KIF22: variants seen among roughly 807,000 people sequenced by gnomAD.
The protein encoded by KIF22 is kinesin-like protein KIF22.
Under a neutral mutation model 73.0 loss-of-function variants are expected in KIF22, and 62 were observed. The observed-to-expected ratio is 0.85, with a 90% confidence interval of 0.69 to 1.05. The LOEUF (loss-of-function observed/expected upper bound fraction) is 1.05. Ranked by LOEUF, KIF22 falls within the 50% of genes least tolerant of loss-of-function variation. The probability of loss-of-function intolerance (pLI) is 0.00; values close to 1 mark genes in which losing one functional copy is unlikely to be tolerated. For synonymous variants in KIF22, 411 were observed against 340.1 expected (o/e 1.21, Z -2.29); for missense variants, 854 against 870.1 (o/e 0.98, Z 0.23).
At position 29,799,560 on chromosome 16, in the gene KIF22, G is replaced by A. The variant is rs1339286164; in HGVS notation, c.990+66G>A. 1.6e-5 allele frequency: 26 copies of A among 1,611,164 alleles called. No individual in the cohort carries two copies. The South Asian group carries it at 2.6e-4, about 16-fold the overall frequency. ...GAGGTTCTCAGGCCTGCTGTGGGGT[G>A]GGGAATAGCAGTTGAGGCATAGGAA... On this transcript the variant is annotated intron_variant, in intron 6 of 13. Transcript: ENST00000160827.
chr16:29,796,541 CCT>C (rs1555499072), intron 1 of KIF22, among the ~76,000 whole-genome samples: 1 of 151,468 alleles, frequency 6.6e-6, no homozygotes, highest in Non-Finnish European at 1.5e-5. Flanking sequence ...AGACTCCATC[CCT>C]CTCTCTCTCT....
At position 29,803,486 on chromosome 16, in the gene KIF22, T is replaced by C; in HGVS notation, c.1487T>C (p.Met496Thr). The change falls in exon 10 of 14, where the codon ATG becomes ACG. Residue 496 changes from methionine (M) to threonine (T), a missense_variant. By Grantham distance (81) the Met-to-Thr change is moderately conservative. Coordinates refer to ENST00000160827, the MANE Select transcript of KIF22 (RefSeq NM_007317.3). ...AAGCAAAAAGAACTGGAGGCCAAGATGTTGGCCCAGAAGGCTGAGGAAAAG... is the reference window on the plus strand; with the variant it reads ...AAGCAAAAAGAACTGGAGGCCAAGACGTTGGCCCAGAAGGCTGAGGAAAAG... ...KTKQKELEAK[M>T]LAQKAEEKEN... The C allele has an allele frequency of 6.2e-7, 1 of 1,614,158 alleles. No homozygotes were observed. Among genetic ancestry groups the C allele is most frequent in the Non-Finnish European group, 8.5e-7 (1 of 1,180,008 alleles).
rs774844325 is a variant in KIF22 at position 29,805,081 on chromosome 16, G to A, written c.1891-34G>A. 37 of 1,612,592 alleles carry A rather than the reference G, an allele frequency of 2.3e-5. No individual in the cohort carries two copies. In the East Asian group the frequency reaches 7.8e-4, roughly 34 times the overall value. ...GGGGCGGGGGAGACCGGGTACCCCC[G>A]AGACCCTGTCCCCTATCGATCCTGT... On this transcript the variant is annotated intron_variant, in intron 12 of 13. Coordinates refer to ENST00000160827, the MANE Select transcript of KIF22 (RefSeq NM_007317.3).
At chr16:29,804,306 C>T (rs966148220) in intron 11 of KIF22, 3 of 605,090 alleles carry the variant, frequency 5.0e-6, no homozygotes, top group Admixed American at 2.9e-5. Flanking sequence ...TGTAGCCTGG[C>T]TTCTACCCTC....
intron 12 of KIF22, 21 bp from the exon 13 acceptor site, chr16:29,805,094 C>T (rs371898436): frequency 9.5e-5 from 154 of 1,613,648 alleles, no homozygotes; most frequent in South Asian, 1.6e-4. Flanking sequence ...ACCCTGTCCC[C>T]TATCGATCCT....
In KIF22 at chr16:29,798,800, T is replaced by C. The variant is rs1899025332; in HGVS notation, c.549+53T>C. The C allele has an allele frequency of 3.1e-6, 5 of 1,593,978 alleles. No homozygotes were observed. In the South Asian group the frequency reaches 4.5e-5, roughly 14 times the overall value. Reference sequence around the variant, plus strand: ...AGCAACAAAGGGTCAAAGTAAGACCTGGTTCTAGAACATGAAGCTCTGCTG... The same window carrying C: ...AGCAACAAAGGGTCAAAGTAAGACCCGGTTCTAGAACATGAAGCTCTGCTG... On this transcript the variant is annotated intron_variant, in intron 4 of 13. Transcript: ENST00000160827. This position sits in a 1 kb window ranked among gnomAD's most constrained non-coding sequence, Gnocchi z 4.1.
intron 11 of KIF22, chr16:29,804,466 TC>T (rs1567362711): frequency 4.7e-6 from 3 of 637,966 alleles, no homozygotes; most frequent in Non-Finnish European, 8.7e-6. Context: ...TATTACTTTC[TC>T]CCATGTACTT....
chr16:29,791,978 G>A (rs1021663623), intron 1 of KIF22, among the ~76,000 whole-genome samples: 1 of 152,198 alleles, frequency 6.6e-6, no homozygotes, highest in African/African-American at 2.4e-5. Context: ...ATACGTAGAT[G>A]TAATACGAAA....
intron 7 of KIF22, 48 bp from the exon 8 acceptor site, chr16:29,799,865 G>A (rs1434025844): frequency 1.9e-6 from 3 of 1,612,378 alleles, no homozygotes; most frequent in African/African-American, 2.7e-5. Flanking sequence ...CAGCACAGAG[G>A]CTGACCACCC....
intron 1 of KIF22, among the ~76,000 whole-genome samples, chr16:29,793,681 G>A (rs909932650): frequency 6.6e-6 from 1 of 152,014 alleles, no homozygotes; most frequent in Non-Finnish European, 1.5e-5. Context: ...AATGCTACTG[G>A]CATCTAGTAA....
intron 11 of KIF22, chr16:29,804,510 G>A: frequency 1.5e-6 from 1 of 656,200 alleles, no homozygotes; most frequent in Non-Finnish European, 2.8e-6. Flanking sequence ...CCCTTTTAGA[G>A]ATGAGGGACC....
intron 8 of KIF22, among the ~76,000 whole-genome samples, chr16:29,801,277 C>G (rs537741116): frequency 6.6e-6 from 1 of 152,182 alleles, no homozygotes; most frequent in Non-Finnish European, 1.5e-5. Context: ...GGCCACTTAG[C>G]CCTTGCGCTA....
Position 29,803,527 on chromosome 16 carries a change from A to G in KIF22, c.1528A>G (p.Thr510Ala), listed in dbSNP as rs1426625126. The G allele has an allele frequency of 3.7e-6, 6 of 1,614,148 alleles. No homozygotes were observed. The highest frequency in any genetic ancestry group is 5.1e-6 in the Non-Finnish European group (6 of 1,179,986). ...TGAGGAAAAGGAGAACCATTGTCCC[A>G]CAATGCTCCGGCCCCTTTCACATCG... is the stretch of plus-strand genomic sequence containing the variant. ...KAEEKENHCP[T>A]MLRPLSHRTV... The change falls in exon 10 of 14, where the codon ACA becomes GCA. Residue 510 changes from threonine to alanine, a missense_variant. Transcript: ENST00000160827.
chr16:29,798,280 A>C lies in KIF22; in HGVS notation c.267-94A>C. 3.0e-4 allele frequency: 455 copies of C among 1,497,190 alleles called. No individual in the cohort carries two copies. Among genetic ancestry groups the C allele is most frequent in the Non-Finnish European group, 3.6e-4 (401 of 1,115,454 alleles). 92.7% of individuals were successfully genotyped at this position (1,497,190 alleles called of 1,614,324 possible). A position where few individuals can be genotyped will look rare whatever the true frequency, so the allele number is the denominator to read the frequency against. Reference sequence around the variant, plus strand: ...AATCCAAGGTCCAGATGAGAGTAGAATCCCTTACCCACCCCCACCCCACTC... The same window carrying C: ...AATCCAAGGTCCAGATGAGAGTAGACTCCCTTACCCACCCCCACCCCACTC... On this transcript the variant is annotated intron_variant, in intron 2 of 13. Coordinates refer to ENST00000160827, the MANE Select transcript of KIF22 (RefSeq NM_007317.3). This position sits in a 1 kb window ranked among gnomAD's most constrained non-coding sequence, Gnocchi z 4.1.
chr16:29,791,752 A>T (rs980052099), intron 1 of KIF22, among the ~76,000 whole-genome samples: 6 of 152,220 alleles, frequency 3.9e-5, no homozygotes, highest in African/African-American at 1.4e-4. Context: ...CACAACTAGT[A>T]AATATTGGGG....
Position 29,799,625 on chromosome 16 carries a change from C to T in KIF22, c.991-3C>T, listed in dbSNP as rs773677306. Reference sequence around the variant, plus strand: ...CCCACCCACTGCCTGGTCTCACCCTCAGGACTCTCTGGGTGGCTCAGCCCA... The same window carrying T: ...CCCACCCACTGCCTGGTCTCACCCTTAGGACTCTCTGGGTGGCTCAGCCCA... On this transcript the variant is annotated splice_polypyrimidine_tract_variant and splice_region_variant and intron_variant, in intron 6 of 13. Transcript: ENST00000160827. 4 of 1,614,036 alleles carry T rather than the reference C, an allele frequency of 2.5e-6. No homozygotes were observed. Among genetic ancestry groups the T allele is most frequent in the East Asian group, 4.5e-5 (2 of 44,876 alleles).
intron 11 of KIF22, chr16:29,804,481 G>T (rs1490239208): frequency 3.1e-6 from 2 of 643,136 alleles, no homozygotes; most frequent in Admixed American, 4.3e-5. Flanking sequence ...TGTACTTTTT[G>T]AAAGACAGCT....
In KIF22 at chr16:29,799,933, T is replaced by C; in HGVS notation, c.1165T>C (p.Ser389Pro). 1 of 1,614,162 alleles carries C rather than the reference T, an allele frequency of 6.2e-7. No individual in the cohort carries two copies. The highest frequency in any genetic ancestry group is 1.1e-5 in the South Asian group (1 of 91,084). The stretch of plus-strand genomic sequence containing the variant: ...TCTAGCCTTGGGACCTGTTAAGCTG[T>C]CTCAGAAAGAATTGCTTGGTCCACC... Reference protein sequence around the residue: ...QPHALGPVKLSQKELLGPPEA... With the variant: ...QPHALGPVKLPQKELLGPPEA... The change falls in exon 8 of 14, where the codon TCT becomes CCT. Residue 389 changes from serine to proline, a missense_variant. Coordinates refer to ENST00000160827, the MANE Select transcript of KIF22 (RefSeq NM_007317.3).
Position 29,798,261 on chromosome 16 carries a change from AG to A in KIF22, c.267-111del, listed in dbSNP as rs1899002183. The A allele has an allele frequency of 2.0e-5, 30 of 1,504,034 alleles. No individual in the cohort carries two copies. The South Asian group carries it at 3.9e-4, about 20-fold the overall frequency. 93.2% of individuals were successfully genotyped at this position (1,504,034 alleles called of 1,614,324 possible). A position where few individuals can be genotyped will look rare whatever the true frequency, so the allele number is the denominator to read the frequency against. ...GGATAGAGACGTTCTCTTAAATCCA[AG>A]GTCCAGATGAGAGTAGAATCCCTTA... is the stretch of plus-strand genomic sequence containing the variant. On this transcript the variant is annotated intron_variant, in intron 2 of 13. Transcript: ENST00000160827. This position sits in a 1 kb window ranked among gnomAD's most constrained non-coding sequence, Gnocchi z 4.1.
Sources: gnomAD v4.1 joint callset for allele counts (sites outside exome capture counted in the v4.1 genomes callset) on GRCh38, gnomAD v4.1.1 for gene constraint, Gnocchi (gnomAD v3.1) non-coding constraint, MANE v1.5 for transcripts, NCBI Gene and HGNC (gene_info 2026-07-23, HGNC 2026-07-21) for gene names.